The following GAK variants were observed in gnomAD, a reference collection of about 807,000 sequenced individuals.
The protein encoded by GAK is cyclin-G-associated kinase.
Under a neutral mutation model 143.9 loss-of-function variants are expected in GAK, and 79 were observed. That is an observed-to-expected ratio of 0.55 (90% CI 0.46 to 0.66). The LOEUF (loss-of-function observed/expected upper bound fraction) is 0.66. Among genes scored for constraint, GAK ranks in the 30% least tolerant of loss-of-function variants. GAK has a pLI of 0.00. For missense variants in GAK, 1,693 were observed against 1,779.7 expected, an observed-to-expected ratio of 0.95 and a Z score of 0.88; for synonymous variants, 881 against 765.5, an observed-to-expected ratio of 1.15 and a Z score of -2.49.
rs373356211 is a variant in GAK at position 882,688 on chromosome 4, C to T, written c.1527+9G>A. 22 of 1,610,618 alleles carry T rather than the reference C, an allele frequency of 1.4e-5. No homozygotes were observed. The highest frequency in any genetic ancestry group is 3.3e-4 in the Middle Eastern group (2 of 6,000). On this transcript the variant is annotated intron_variant, in intron 14 of 27. Coordinates refer to ENST00000314167, the MANE Select transcript of GAK (RefSeq NM_005255.4). ...GAAGACGGCGCCAGCCCACGGCCCT[C>T]GAGCTCACCATGCAGTGCACGACGC... is the stretch of plus-strand genomic sequence containing the variant.
chr4:896,317 AG>A, intron 7 of GAK, 142 bp downstream of exon 7: 1 of 654,764 alleles, frequency 1.5e-6, no homozygotes, highest in Non-Finnish European at 2.7e-6. Flanking sequence ...TCTTAAGGAA[AG>A]GAAAAAGAAA....
chr4:879,275 T>C (rs1714610008), intron 15 of GAK, among the ~76,000 whole-genome samples: 1 of 152,208 alleles, frequency 6.6e-6, no homozygotes, highest in Non-Finnish European at 1.5e-5. Flanking sequence ...GGCCGAGCTG[T>C]GCGTTTCTGT....
chr4:903,929 G>C (rs867779361), intron 5 of GAK, among the ~76,000 whole-genome samples: 2 of 152,242 alleles, frequency 1.3e-5, no homozygotes, highest in Admixed American at 6.5e-5. Context: ...GATCTCTGTC[G>C]GCAAAGGCCT....
At chr4:924,886 T>C (rs1185890319) in intron 1 of GAK, among the ~76,000 whole-genome samples, 1 of 147,292 alleles carries the variant, frequency 6.8e-6, no homozygotes. Context: ...CTGATTGGGT[T>C]GTGGTGGTGG....
In GAK at chr4:859,151, G is replaced by A. The variant is rs148121848; in HGVS notation, c.3283+455C>T. The A allele has an allele frequency of 9.8e-3, 9,596 of 983,890 alleles. 66 individuals are homozygous for A. The highest frequency in any genetic ancestry group is 0.032 in the Middle Eastern group (61 of 1,912). The allele number at this position is 983,890 out of a possible 1,614,324, so 60.9% of individuals were successfully genotyped here. ...GCCCGGGGCCGGGCCTGAGGCAGAC[G>A]TGGGACCGGAGACTCAGACCACAGC... On this transcript the variant is annotated intron_variant, in intron 24 of 27. Coordinates refer to ENST00000314167, the MANE Select transcript of GAK (RefSeq NM_005255.4).
chr4:921,012 T>C (rs557810391), intron 1 of GAK, among the ~76,000 whole-genome samples: 24 of 152,198 alleles, frequency 1.6e-4, no homozygotes, highest in Admixed American at 8.5e-4. Context: ...CAAGGCTATG[T>C]GGTATTGGCA....
chr4:877,929 T>C, intron 15 of GAK, 120 bp from the exon 16 acceptor site: 1 of 771,042 alleles, frequency 1.3e-6, no homozygotes, highest in Non-Finnish European at 2.0e-6. Flanking sequence ...AATGTTTTAG[T>C]TGCTCCTAAC....
At chr4:877,376 C>T (rs987674466) in intron 16 of GAK, among the ~76,000 whole-genome samples, 169 bp from the exon 17 acceptor site, 5 of 152,150 alleles carry the variant, frequency 3.3e-5, no homozygotes, top group Admixed American at 2.0e-4. Context: ...CCTGGGCACT[C>T]GGATCCCTGT....
chr4:855,257 G>A (rs1488895417), intron 24 of GAK, among the ~76,000 whole-genome samples: 1 of 151,802 alleles, frequency 6.6e-6, no homozygotes. Flanking sequence ...GGTCTCTTTC[G>A]CCACGGTTGG....
At chr4:919,456 T>G (rs1577316045) in intron 1 of GAK, among the ~76,000 whole-genome samples, 1 of 152,344 alleles carries the variant, frequency 6.6e-6, no homozygotes, top group Non-Finnish European at 1.5e-5. Flanking sequence ...CTCCCCAGCC[T>G]CCTCCTCTCC....
chr4:867,972 G>A (rs1423036656), intron 20 of GAK, among the ~76,000 whole-genome samples: 2 of 152,236 alleles, frequency 1.3e-5, no homozygotes, highest in African/African-American at 2.4e-5. Flanking sequence ...AGCACTAGGG[G>A]GTAGGAACAC....
intron 1 of GAK, among the ~76,000 whole-genome samples, chr4:917,511 C>T (rs1331686436): frequency 6.6e-6 from 1 of 151,926 alleles, no homozygotes; most frequent in Non-Finnish European, 1.5e-5. Context: ...AACAGAAGGC[C>T]AATGCCAGGC....
At chr4:865,067 G>A (rs1750920615) in intron 23 of GAK, 55 bp downstream of exon 23, 9 of 1,568,784 alleles carry the variant, frequency 5.7e-6, no homozygotes, top group Admixed American at 3.5e-5. Context: ...AAATAGAGAC[G>A]GGCCACAGCA....
At chr4:864,976 G>A (rs1431499923) in intron 23 of GAK, 146 bp downstream of exon 23, 33 of 1,139,164 alleles carry the variant, frequency 2.9e-5, no homozygotes, top group Non-Finnish European at 3.5e-5. Flanking sequence ...ACAGCCTTGT[G>A]TGCGGAGCCC....
At chr4:927,086 TCCGCACTGCC>T (rs1392699718) in intron 1 of GAK, among the ~76,000 whole-genome samples, 3 of 70,062 alleles carry the variant, frequency 4.3e-5, no homozygotes, top group African/African-American at 1.9e-4. Flanking sequence ...TCACCTGCAG[TCCGCACTGCC>T]CCGCACCCCT....
chr4:890,270 G>A (rs41286659), intron 10 of GAK, among the ~76,000 whole-genome samples: 6,532 of 152,252 alleles, frequency 0.043, 165 homozygotes, highest in East Asian at 0.094. Context: ...CCCTGCCCTG[G>A]AGCCTCTTCC....
At chr4:927,059 C>T (rs1339477446) in intron 1 of GAK, among the ~76,000 whole-genome samples, 3 of 67,318 alleles carry the variant, frequency 4.5e-5, no homozygotes, top group Admixed American at 3.8e-4. Context: ...TCCGCACTGC[C>T]CCGCACCCCT....
intron 6 of GAK, among the ~76,000 whole-genome samples, chr4:897,665 C>T (rs530250883): frequency 6.6e-6 from 1 of 152,200 alleles, no homozygotes; most frequent in East Asian, 1.9e-4. Flanking sequence ...AAAATAAAGT[C>T]TGTTTATTAC....
intron 1 of GAK, among the ~76,000 whole-genome samples, chr4:919,261 G>T (rs1723547974): frequency 6.6e-6 from 1 of 150,730 alleles, no homozygotes; most frequent in South Asian, 2.1e-4. Flanking sequence ...AAGACAGAAG[G>T]CTCCAAAGGC....
Sources: allele counts gnomAD v4.1 joint callset (sites outside exome capture counted in the v4.1 genomes callset), GRCh38; gene constraint gnomAD v4.1.1; transcripts MANE v1.5; gene names NCBI Gene and HGNC (gene_info 2026-07-23, HGNC 2026-07-21).